The following RELN variants were observed in gnomAD, a reference collection of about 807,000 sequenced individuals.
RELN encodes reelin.
RELN carries 108 observed loss-of-function variants against 427.6 expected under a neutral mutation model. The ratio of observed to expected loss-of-function variants is 0.25; its 90% CI spans 0.22 to 0.30. RELN has a LOEUF of 0.30. Among genes scored for constraint, RELN ranks in the 10% least tolerant of loss-of-function variants. The pLI, the probability that RELN is intolerant of heterozygous loss-of-function variation, is 1.00. For synonymous variants in RELN, 1,524 were observed against 1,513.4 expected (o/e 1.01, Z -0.16); for missense variants, 3,715 against 4,302.8 (o/e 0.86, Z 3.82).
chr7:103,596,624 G>C lies in RELN; in HGVS notation c.3371C>G (p.Thr1124Ser). The C allele has an allele frequency of 6.2e-7, 1 of 1,614,012 alleles. No individual in the cohort carries two copies. Among genetic ancestry groups the C allele is most frequent in the Non-Finnish European group, 8.5e-7 (1 of 1,179,930 alleles). The part of the protein sequence containing the change: ...KRQLVSWDLD[T>S]SWVDFVQFYI... ...GAACTGGACAAAGTCCACCCAAGAAGTATCCAGGTCCCAACTCACCAGCTG... is the reference window on the plus strand; with the variant it reads ...GAACTGGACAAAGTCCACCCAAGAACTATCCAGGTCCCAACTCACCAGCTG... Residue 1124 changes from threonine to serine, a missense_variant, in exon 25 of 65, where the codon ACT (threonine) becomes AGT (serine). By Grantham distance (58) the Thr-to-Ser change is moderately conservative. This residue lies in a region of RELN where 2,208 missense variants were observed against 2,361.7 expected (regional missense o/e 0.93). Coordinates refer to ENST00000428762, the MANE Select transcript of RELN (RefSeq NM_005045.4).
intron 8 of RELN, among the ~76,000 whole-genome samples, chr7:103,701,703 GC>G (rs1834096085): frequency 6.6e-6 from 1 of 152,024 alleles, no homozygotes; most frequent in African/African-American, 2.4e-5. Flanking sequence ...ATATAATAAA[GC>G]ATAGTATGAC....
At chr7:103,870,634 G>A (rs1433620221) in intron 2 of RELN, among the ~76,000 whole-genome samples, 1 of 152,052 alleles carries the variant, frequency 6.6e-6, no homozygotes, top group African/African-American at 2.4e-5. Flanking sequence ...TCAGCTAGAT[G>A]CCCAGAGGTG....
At chr7:103,561,219 T>A (rs1180645180) in intron 36 of RELN, among the ~76,000 whole-genome samples, 1 of 152,148 alleles carries the variant, frequency 6.6e-6, no homozygotes, top group East Asian at 1.9e-4. Context: ...AAGTTAAATA[T>A]TTAGTAACAT....
chr7:103,847,346 C>T (rs39391), intron 2 of RELN, among the ~76,000 whole-genome samples: 56,094 of 151,944 alleles, frequency 0.37, 10,748 homozygotes, highest in Non-Finnish European at 0.42. Flanking sequence ...TGTTCTCACT[C>T]ATAAGTGGGA....
intron 4 of RELN, among the ~76,000 whole-genome samples, chr7:103,768,893 C>T (rs1016014436): frequency 6.6e-6 from 1 of 152,152 alleles, no homozygotes; most frequent in Non-Finnish European, 1.5e-5. Context: ...CCTTCTCCTT[C>T]CTAAGTCTAA....
intron 1 of RELN, among the ~76,000 whole-genome samples, chr7:103,975,145 A>C (rs6465947): frequency 0.53 from 81,213 of 152,122 alleles, 21,985 homozygotes; most frequent in African/African-American, 0.63. Flanking sequence ...AAAATTTAGA[A>C]ATTGTACTCA....
At chr7:103,681,586 C>T (rs1346036681) in intron 11 of RELN, among the ~76,000 whole-genome samples, 1 of 152,058 alleles carries the variant, frequency 6.6e-6, no homozygotes, top group Non-Finnish European at 1.5e-5. Flanking sequence ...CTCAGAACAG[C>T]AAGAAAACAC....
intron 12 of RELN, among the ~76,000 whole-genome samples, chr7:103,658,542 A>T (rs753879661): frequency 6.6e-6 from 1 of 151,758 alleles, no homozygotes; most frequent in African/African-American, 2.4e-5. Flanking sequence ...ACTCTACCCT[A>T]TGCCACCCTA....
At chr7:103,723,678 G>T (rs979681174) in intron 7 of RELN, among the ~76,000 whole-genome samples, 1 of 152,184 alleles carries the variant, frequency 6.6e-6, no homozygotes, top group African/African-American at 2.4e-5. Flanking sequence ...AAAGGTCATA[G>T]GCTTTCTTTG....
Position 103,566,339 on chromosome 7 carries a change from T to C in RELN, c.4821A>G (p.Gln1607=). 6.2e-7 allele frequency: 1 copy of C among 1,614,122 alleles called. No homozygotes were observed. ...AATCTATAGAGCCATCAAATTTGTC[T>C]TGAAATCCAGTTTGAGAGCTGTCAT... The part of the protein sequence containing the change: ...GMNDSSQTGF[Q]DKFDGSIDLQ... The change falls in exon 33 of 65, where the codon CAA becomes CAG. Residue 1607 remains glutamine, a synonymous_variant. Transcript: ENST00000428762.
chr7:103,543,220 G>A (rs1285567166), intron 42 of RELN, among the ~76,000 whole-genome samples: 1 of 152,194 alleles, frequency 6.6e-6, no homozygotes, highest in Non-Finnish European at 1.5e-5. Flanking sequence ...GGTGGGGGCT[G>A]TGTAGCCTTT....
At position 103,500,875 on chromosome 7, in the gene RELN, G is replaced by A; in HGVS notation, c.8537C>T (p.Ala2846Val). 5.0e-6 allele frequency: 8 copies of A among 1,614,056 alleles called. No individual in the cohort carries two copies. The highest frequency in any genetic ancestry group is 6.8e-6 in the Non-Finnish European group (8 of 1,179,968). ...FYQKYSDMQWAIDNFYLGPGC... is the reference protein window; with the variant it reads ...FYQKYSDMQWVIDNFYLGPGC... ...AGGGCCCAGGTAGAAATTATCGATT[G>A]CCCACTGCATGTCTGAGTACTTCTG... Residue 2846 changes from alanine (A) to valine (V), a missense_variant, in exon 53 of 65, where the codon GCA (alanine) becomes GTA (valine). Physicochemically the swap from Ala to Val is moderately conservative, Grantham distance 64. This residue lies in a region of RELN where 1,310 missense variants were observed against 1,643.0 expected (regional missense o/e 0.80). Transcript: ENST00000428762.
At chr7:103,825,538 G>A (rs1793115935) in intron 3 of RELN, among the ~76,000 whole-genome samples, 1 of 152,076 alleles carries the variant, frequency 6.6e-6, no homozygotes, top group Non-Finnish European at 1.5e-5. Context: ...ACATAACAAT[G>A]GCAAAAAACT....
intron 27 of RELN, among the ~76,000 whole-genome samples, chr7:103,592,535 A>G (rs939096831): frequency 1.3e-4 from 20 of 152,240 alleles, no homozygotes; most frequent in African/African-American, 4.8e-4. Flanking sequence ...TACTTCTTTG[A>G]GTATATACCT....
intron 4 of RELN, among the ~76,000 whole-genome samples, chr7:103,753,578 C>T (rs1291863474): frequency 6.6e-6 from 1 of 152,168 alleles, no homozygotes; most frequent in Non-Finnish European, 1.5e-5. Flanking sequence ...TATCACAGTG[C>T]ATATGAACAA....
chr7:103,914,618 G>A lies in RELN; in HGVS notation c.337+2457C>T, dbSNP rs182119042. Among the ~76,000 whole-genome samples, 9 of 151,824 alleles carry A rather than the reference G, an allele frequency of 5.9e-5. No individual in the cohort carries two copies. The East Asian group carries it at 1.7e-3, about 29-fold the overall frequency. ...AATCACTTCCTCCTTTAATTATCAG[G>A]GCTACCCAGCATCTTATGAAGAAGG... is the stretch of plus-strand genomic sequence containing the variant. On this transcript the variant is annotated intron_variant, in intron 2 of 64. Transcript: ENST00000428762.
rs1239808052 is a variant in RELN, at chr7:103,520,981, T to G, written c.7668+1041A>C. Among the ~76,000 whole-genome samples, 4 of 131,588 alleles carry G rather than the reference T, an allele frequency of 3.0e-5. No individual in the cohort carries two copies. In the South Asian group the frequency reaches 8.7e-4, roughly 29 times the overall value. The allele number at this position is 131,588 out of a possible 152,430, so 86.3% of individuals were successfully genotyped here. A position where few individuals can be genotyped will look rare whatever the true frequency, so the allele number is the denominator to read the frequency against. The stretch of plus-strand genomic sequence containing the variant: ...TATTTTTTTTTTTTTTTTTTTTTTT[T>G]TTTTTTGAGACGGAGTCTCGCTCTG... On this transcript the variant is annotated intron_variant, in intron 48 of 64. Transcript: ENST00000428762.
intron 64 of RELN, among the ~76,000 whole-genome samples, chr7:103,477,252 T>TA (rs1178275039): frequency 6.6e-6 from 1 of 152,230 alleles, no homozygotes; most frequent in Non-Finnish European, 1.5e-5. Context: ...TTTGAACTGT[T>TA]ACTCTTTAAA....
chr7:103,674,473 G>A (rs1406050184), intron 11 of RELN, among the ~76,000 whole-genome samples: 3 of 151,650 alleles, frequency 2.0e-5, no homozygotes, highest in Non-Finnish European at 4.4e-5. Context: ...ATTCATATCT[G>A]CTATTCTCTC....
Sources: allele counts gnomAD v4.1 joint callset (sites outside exome capture counted in the v4.1 genomes callset), GRCh38; gene constraint gnomAD v4.1.1; regional missense constraint gnomAD v4.1.1; transcripts MANE v1.5; gene names NCBI Gene and HGNC (gene_info 2026-07-23, HGNC 2026-07-21).